The following PIK3C2B variants were observed in gnomAD, a reference collection of about 807,000 sequenced individuals.
PIK3C2B encodes the protein phosphatidylinositol-4-phosphate 3-kinase catalytic subunit type 2 beta.
In PIK3C2B, 83 loss-of-function variants were observed where a neutral mutation model predicts 184.3. That is an observed-to-expected ratio of 0.45 (90% CI 0.38 to 0.54). PIK3C2B has a LOEUF of 0.54. PIK3C2B is among the 20% of genes least tolerant of loss of function. PIK3C2B has a pLI of 0.00. For synonymous variants in PIK3C2B, 779 were observed against 837.6 expected, an observed-to-expected ratio of 0.93 and a Z score of 1.21; for missense variants, 1,736 against 2,113.5, an observed-to-expected ratio of 0.82 and a Z score of 3.50.
intron 2 of PIK3C2B, chr1:204,467,183 G>A: frequency 3.2e-6 from 1 of 309,942 alleles, no homozygotes; most frequent in East Asian, 9.3e-5. Flanking sequence ...GAGAAGGAGT[G>A]ACAGAGGTGA....
Position 204,490,397 on chromosome 1 carries a change from TG to T in PIK3C2B, c.-85+3958del, listed in dbSNP as rs144839642. ...TTGGGGTGAGTGAATTCCATCCCAA[TG>T]TCCCAGTGTTTTGGGGAAGTAAATT... On this transcript the variant is annotated intron_variant, in intron 1 of 32. Transcript: ENST00000684373. The T allele has an allele frequency of 8.6e-3, 1,325 of 153,882 alleles. 21 individuals are homozygous for T. Among genetic ancestry groups the T allele is most frequent in the African/African-American group, 0.029 (1,199 of 41,614 alleles). The allele number at this position is 153,882 out of a possible 1,614,324, so 9.5% of individuals were successfully genotyped here.
chr1:204,434,737 A>C (rs2103473110), intron 23 of PIK3C2B, 129 bp from the exon 24 acceptor site: 1 of 638,848 alleles, frequency 1.6e-6, no homozygotes, highest in Non-Finnish European at 2.7e-6. Flanking sequence ...ATAGTGTCTC[A>C]CATCTGCCTG....
chr1:204,488,573 G>A (rs1469214305), intron 1 of PIK3C2B, among the ~76,000 whole-genome samples: 4 of 152,204 alleles, frequency 2.6e-5, no homozygotes, highest in African/African-American at 9.7e-5. Context: ...TGCTGTGCAC[G>A]TAGAAGAGTG....
In PIK3C2B at chr1:204,424,825, G is replaced by A; in HGVS notation, c.*27C>T. ...TCCCCCAGCTCCTGCCACCAGCCTG[G>A]GATGCTGGGTGGTGGCTCTGCTGGG... On this transcript the variant is annotated 3_prime_UTR_variant, in exon 33 of 33. Coordinates refer to ENST00000684373, the MANE Select transcript of PIK3C2B (RefSeq NM_001377334.1). 6.2e-7 allele frequency: 1 copy of A among 1,608,604 alleles called. No homozygotes were observed. The highest frequency in any genetic ancestry group is 8.5e-7 in the Non-Finnish European group (1 of 1,175,202).
chr1:204,460,408 A>G lies in PIK3C2B; in HGVS notation c.1423-5T>C, dbSNP rs753477048. 3.7e-6 allele frequency: 6 copies of G among 1,612,486 alleles called. No homozygotes were observed. The highest frequency in any genetic ancestry group is 5.1e-6 in the Non-Finnish European group (6 of 1,178,578). On this transcript the variant is annotated splice_polypyrimidine_tract_variant and splice_region_variant and intron_variant, in intron 6 of 32. Transcript: ENST00000684373. ...GGGGCTCTGGTCATCATTCACCTGT[A>G]TAAGAAGTGACCTATTCAGAGAGGG... is the stretch of plus-strand genomic sequence containing the variant.
Position 204,424,780 on chromosome 1 carries a change from T to G in PIK3C2B, c.*72A>C, listed in dbSNP as rs1674657239. 6.7e-7 allele frequency: 1 copy of G among 1,482,658 alleles called. No homozygotes were observed. Among genetic ancestry groups the G allele is most frequent in the African/African-American group, 1.4e-5 (1 of 72,044 alleles). 91.8% of individuals were successfully genotyped at this position (1,482,658 alleles called of 1,614,324 possible). ...GGCCCTGGCCCTTCACAAGGAGGAGTCTCACAGGGGAGAGTCCTCTCCCCC... is the reference window on the plus strand; with the variant it reads ...GGCCCTGGCCCTTCACAAGGAGGAGGCTCACAGGGGAGAGTCCTCTCCCCC... On this transcript the variant is annotated 3_prime_UTR_variant, in exon 33 of 33. Transcript: ENST00000684373.
At chr1:204,431,833 T>A (rs372012255) in intron 27 of PIK3C2B, 40 bp from the exon 28 acceptor site, 9 of 1,613,608 alleles carry the variant, frequency 5.6e-6, no homozygotes, top group Admixed American at 5.0e-5. Flanking sequence ...TGCCGAGCCC[T>A]CTGCACCCAG....
intron 12 of PIK3C2B, among the ~76,000 whole-genome samples, chr1:204,452,742 C>A (rs1654483895): frequency 6.7e-6 from 1 of 149,440 alleles, no homozygotes; most frequent in South Asian, 2.2e-4. Context: ...GCAGCCTCGA[C>A]CTCCCAGGCT....
chr1:204,460,764 G>A, intron 5 of PIK3C2B, 103 bp from the exon 6 acceptor site: 1 of 750,168 alleles, frequency 1.3e-6, no homozygotes, highest in Non-Finnish European at 2.4e-6. Flanking sequence ...GAAGGTTTAG[G>A]TAAGGGGGTA....
Position 204,480,895 on chromosome 1 carries a change from T to C in PIK3C2B, c.-84-11009A>G, listed in dbSNP as rs1657081461. 2.6e-5 allele frequency among the ~76,000 whole-genome samples: 4 copies of C among 152,060 alleles called. No homozygotes were observed. In the South Asian group the frequency reaches 8.3e-4, roughly 31 times the overall value. ...CCACTGTCCCTGTGCCATCGTGGTGTTCCTCAACCAGCAAGCTAGACTCAG... is the reference window on the plus strand; with the variant it reads ...CCACTGTCCCTGTGCCATCGTGGTGCTCCTCAACCAGCAAGCTAGACTCAG... On this transcript the variant is annotated intron_variant, in intron 1 of 32. Transcript: ENST00000684373.
intron 14 of PIK3C2B, among the ~76,000 whole-genome samples, chr1:204,448,591 T>C (rs1243451096): frequency 2.0e-5 from 3 of 148,630 alleles, no homozygotes; most frequent in East Asian, 2.0e-4. Flanking sequence ...TGAGCCAAGA[T>C]TGTGCCATTG....
chr1:204,454,561 G>A (rs1377161014), intron 12 of PIK3C2B, 108 bp downstream of exon 12: 2 of 1,114,510 alleles, frequency 1.8e-6, no homozygotes, highest in African/African-American at 1.6e-5. Context: ...TTAACAAGGA[G>A]CCTGGTTTTA....
chr1:204,462,663 A>C (rs531002849), intron 5 of PIK3C2B, among the ~76,000 whole-genome samples: 1 of 152,196 alleles, frequency 6.6e-6, no homozygotes, highest in Non-Finnish European at 1.5e-5. Flanking sequence ...GGTACCCTGG[A>C]GTTGTACCAT....
chr1:204,429,858 C>T, intron 29 of PIK3C2B, 63 bp downstream of exon 29: 1 of 1,096,342 alleles, frequency 9.1e-7, no homozygotes. Flanking sequence ...GATGCTTCCA[C>T]CTCTGCCTCC....
At chr1:204,456,873 AACACACACACAC>A (rs747482741) in intron 10 of PIK3C2B, among the ~76,000 whole-genome samples, 152 bp downstream of exon 10, 1 of 141,512 alleles carries the variant, frequency 7.1e-6, no homozygotes, top group Non-Finnish European at 1.5e-5. Flanking sequence ...CTCATATAGG[AACACACACACAC>A]ACACACACAC....
chr1:204,480,209 T>A (rs751400764), intron 1 of PIK3C2B, among the ~76,000 whole-genome samples: 3 of 152,154 alleles, frequency 2.0e-5, no homozygotes, highest in Non-Finnish European at 4.4e-5. Flanking sequence ...AAGACATCCT[T>A]GCTGGGCTGA....
intron 31 of PIK3C2B, 117 bp from the exon 32 acceptor site, chr1:204,425,858 G>T: frequency 2.3e-6 from 2 of 868,698 alleles, no homozygotes; most frequent in Non-Finnish European, 3.7e-6. Context: ...ATCTTGCAAT[G>T]CACAACTAAT....
chr1:204,475,341 T>C (rs2103523325), intron 1 of PIK3C2B, among the ~76,000 whole-genome samples: 1 of 152,260 alleles, frequency 6.6e-6, no homozygotes, highest in Non-Finnish European at 1.5e-5. Context: ...TAGCAACCAG[T>C]GTATATCTCA....
At chr1:204,430,725 C>T (rs1174218799) in intron 28 of PIK3C2B, among the ~76,000 whole-genome samples, 1 of 152,034 alleles carries the variant, frequency 6.6e-6, no homozygotes, top group Non-Finnish European at 1.5e-5. Flanking sequence ...GTCACGTGAT[C>T]TCAGCTCACT....
Sources: gnomAD v4.1 joint callset for allele counts (sites outside exome capture counted in the v4.1 genomes callset) on GRCh38, gnomAD v4.1.1 for gene constraint, MANE v1.5 for transcripts, NCBI Gene and HGNC (gene_info 2026-07-23, HGNC 2026-07-21) for gene names.